SRPRA: variants seen among roughly 807,000 people sequenced by gnomAD.
SRPRA encodes signal recognition particle receptor subunit alpha.
A neutral mutation model predicts 61.1 loss-of-function variants in SRPRA; 30 were observed. The observed-to-expected ratio is 0.49, with a 90% confidence interval of 0.37 to 0.67. SRPRA has a LOEUF of 0.67. Ranked by LOEUF, SRPRA falls within the 30% of genes least tolerant of loss-of-function variation. The probability of loss-of-function intolerance (pLI) is 0.00; values close to 1 mark genes in which losing one functional copy is unlikely to be tolerated. For missense variants in SRPRA, 759 were observed against 828.4 expected (o/e 0.92, Z 1.03); for synonymous variants, 324 against 299.7 (o/e 1.08, Z -0.84).
chr11:126,265,532 C>T lies in SRPRA; in HGVS notation c.1139-92G>A. On this transcript the variant is annotated intron_variant, in intron 9 of 13. Transcript: ENST00000332118. The surrounding 1 kb of genome is among the most constrained non-coding windows in gnomAD (Gnocchi z 6.3). The stretch of plus-strand genomic sequence containing the variant: ...CCTTTCTGAGCTAAGGGGACTAAAA[C>T]AGTAAATTAGACTCTTGTCCCAGAA... The T allele has an allele frequency of 6.3e-6, 9 of 1,423,318 alleles. No homozygotes were observed. Among genetic ancestry groups the T allele is most frequent in the Non-Finnish European group, 7.6e-6 (8 of 1,048,918 alleles). The allele number at this position is 1,423,318 out of a possible 1,614,324, so 88.2% of individuals were successfully genotyped here. A position where few individuals can be genotyped will look rare whatever the true frequency, so the allele number is the denominator to read the frequency against.
chr11:126,241,562 A>AT, the SRPRA span, among the ~76,000 whole-genome samples: 2 of 151,250 alleles, frequency 1.3e-5, no homozygotes, highest in African/African-American at 4.9e-5. Context: ...TTATTTATTT[A>AT]TTTTTTGATG....
chr11:126,258,771 A>T (rs1950622756), downstream of SRPRA, among the ~76,000 whole-genome samples: 1 of 152,236 alleles, frequency 6.6e-6, no homozygotes, highest in Non-Finnish European at 1.5e-5. Context: ...TATGCTGAGG[A>T]AAGATGCTAA....
rs1224220537 is a variant in SRPRA, at chr11:126,267,145, T to A, written c.526+30A>T. On this transcript the variant is annotated intron_variant, in intron 4 of 13. Coordinates refer to ENST00000332118, the MANE Select transcript of SRPRA (RefSeq NM_003139.4). The surrounding 1 kb of genome is among the most constrained non-coding windows in gnomAD (Gnocchi z 4.2). ...TAGCACCGTGTTAACACCTTTCATG[T>A]CCCAGTATATCCAAAGAACTCAAAC... is the stretch of plus-strand genomic sequence containing the variant. 1 of 1,613,382 alleles carries A rather than the reference T, an allele frequency of 6.2e-7. No individual in the cohort carries two copies. The highest frequency in any genetic ancestry group is 1.7e-5 in the Admixed American group (1 of 59,878).
chr11:126,263,940 C>T lies in SRPRA; in HGVS notation c.1893G>A (p.Val631=). The T allele has an allele frequency of 6.2e-7, 1 of 1,614,184 alleles. No homozygotes were observed. ...CDLRSLNAKA[V]VAALMKA ...GTTAAGCCTTCATGAGGGCAGCCAC[C>T]ACAGCCTTGGCATTGAGGCTGCGTA... Residue 631 remains valine, a synonymous_variant, in exon 14 of 14, where the codon GTG becomes GTA. Transcript: ENST00000332118.
the SRPRA span, among the ~76,000 whole-genome samples, chr11:126,253,200 A>G: frequency 6.6e-6 from 1 of 152,274 alleles, no homozygotes; most frequent in East Asian, 1.9e-4. The surrounding 1 kb of genome is among the most constrained non-coding windows in gnomAD (Gnocchi z 5.1). Context: ...TTCTCATTTC[A>G]TCCTTGGGCC....
the SRPRA span, among the ~76,000 whole-genome samples, chr11:126,242,514 T>C: frequency 3.3e-4 from 51 of 152,244 alleles, no homozygotes; most frequent in African/African-American, 9.1e-4. Context: ...ATATCCAGAA[T>C]CTATAAAGAA....
chr11:126,246,426 C>T, the SRPRA span, among the ~76,000 whole-genome samples: 1 of 152,174 alleles, frequency 6.6e-6, no homozygotes, highest in Non-Finnish European at 1.5e-5. Context: ...CACTGGAACC[C>T]TGCACAAATC....
At position 126,267,909 on chromosome 11, in the gene SRPRA, G is replaced by C; in HGVS notation, c.201+94C>G. On this transcript the variant is annotated intron_variant, in intron 2 of 13. Coordinates refer to ENST00000332118, the MANE Select transcript of SRPRA (RefSeq NM_003139.4). This position sits in a 1 kb window ranked among gnomAD's most constrained non-coding sequence, Gnocchi z 4.2. ...CTACCTTTCTAGTTTTTTCAGTTAC[G>C]TCATCATATACACTGGCTGCAATTA... 6.9e-7 allele frequency: 1 copy of C among 1,449,538 alleles called. No homozygotes were observed. The highest frequency in any genetic ancestry group is 1.2e-5 in the South Asian group (1 of 84,418). 89.8% of individuals were successfully genotyped at this position (1,449,538 alleles called of 1,614,324 possible).
the SRPRA span, among the ~76,000 whole-genome samples, chr11:126,242,898 T>C: frequency 6.6e-6 from 1 of 152,216 alleles, no homozygotes; most frequent in Non-Finnish European, 1.5e-5. Flanking sequence ...AGCATATTCA[T>C]GCAGCAACTG....
At position 126,265,233 on chromosome 11, in the gene SRPRA, G is replaced by A. The variant is rs1299120142; in HGVS notation, c.1311+35C>T. 2 of 1,613,718 alleles carry A rather than the reference G, an allele frequency of 1.2e-6. No individual in the cohort carries two copies. Among genetic ancestry groups the A allele is most frequent in the Non-Finnish European group, 8.5e-7 (1 of 1,179,662 alleles). On this transcript the variant is annotated intron_variant, in intron 10 of 13. Transcript: ENST00000332118. This position sits in a 1 kb window ranked among gnomAD's most constrained non-coding sequence, Gnocchi z 6.3. ...AGGATTTTGAGACACAAGAAGTACA[G>A]AAATATCAGCGATAGGCTGGGGAAC...
At chr11:126,239,143 C>A in the SRPRA span, among the ~76,000 whole-genome samples, 1 of 151,742 alleles carries the variant, frequency 6.6e-6, no homozygotes, top group South Asian at 2.1e-4. Context: ...CTTTTTCGTT[C>A]TTTCTTTGTT....
At position 126,265,688 on chromosome 11, in the gene SRPRA, A is replaced by G. The variant is rs376343672; in HGVS notation, c.1138+49T>C. 4 of 1,590,790 alleles carry G rather than the reference A, an allele frequency of 2.5e-6. No individual in the cohort carries two copies. Among genetic ancestry groups the G allele is most frequent in the African/African-American group, 1.3e-5 (1 of 74,664 alleles). Reference sequence around the variant, plus strand: ...ACATACCTAGTAAGAACTGAGGTCTATGCACTTAACCTACACATAAGCACT... The same window carrying G: ...ACATACCTAGTAAGAACTGAGGTCTGTGCACTTAACCTACACATAAGCACT... On this transcript the variant is annotated intron_variant, in intron 9 of 13. Transcript: ENST00000332118. The surrounding 1 kb of genome is among the most constrained non-coding windows in gnomAD (Gnocchi z 6.3).
Position 126,267,375 on chromosome 11 carries a change from C to T in SRPRA, c.366-40G>A, listed in dbSNP as rs745450088. The T allele has an allele frequency of 2.5e-6, 4 of 1,605,756 alleles. No homozygotes were observed. The highest frequency in any genetic ancestry group is 1.1e-5 in the South Asian group (1 of 89,598). Reference sequence around the variant, plus strand: ...GAATGGTTTATCTTTCTACCCCATGCAGAAGGAAAAATAACGGTCCAGAGA... The same window carrying T: ...GAATGGTTTATCTTTCTACCCCATGTAGAAGGAAAAATAACGGTCCAGAGA... On this transcript the variant is annotated intron_variant, in intron 3 of 13. Transcript: ENST00000332118. The surrounding 1 kb of genome is among the most constrained non-coding windows in gnomAD (Gnocchi z 4.2).
In SRPRA at chr11:126,265,268, C is replaced by T; in HGVS notation, c.1311G>A (p.Lys437=). The T allele has an allele frequency of 6.2e-7, 1 of 1,614,028 alleles. No homozygotes were observed. Among genetic ancestry groups the T allele is most frequent in the Non-Finnish European group, 8.5e-7 (1 of 1,179,918 alleles). The change falls in exon 10 of 14, where the codon AAG becomes AAA. Residue 437 remains lysine, a splice_region_variant and synonymous_variant. Transcript: ENST00000332118. The surrounding 1 kb of genome is among the most constrained non-coding windows in gnomAD (Gnocchi z 6.3). ...CGATAGGCTGGGGAACTGCACTGAC[C>T]TTGGCAAGATTAGTAGATTTCCCCA... ...NGVGKSTNLA[K]ISFWLLENGF...
In SRPRA at chr11:126,267,521, T is replaced by A. The variant is rs374451789; in HGVS notation, c.365+28A>T. 6.2e-7 allele frequency: 1 copy of A among 1,612,538 alleles called. No homozygotes were observed. The highest frequency in any genetic ancestry group is 8.5e-7 in the Non-Finnish European group (1 of 1,179,202). On this transcript the variant is annotated intron_variant, in intron 3 of 13. Coordinates refer to ENST00000332118, the MANE Select transcript of SRPRA (RefSeq NM_003139.4). This position sits in a 1 kb window ranked among gnomAD's most constrained non-coding sequence, Gnocchi z 4.2. ...GAGGTCATCAAATCATGGAAATAAATTGATTTTAGAGAAGGCAGGTCTCTC... is the reference window on the plus strand; with the variant it reads ...GAGGTCATCAAATCATGGAAATAAAATGATTTTAGAGAAGGCAGGTCTCTC...
chr11:126,268,506 C>T (rs575072451), intron 1 of SRPRA, among the ~76,000 whole-genome samples, 182 bp downstream of exon 1: 3 of 145,750 alleles, frequency 2.1e-5, no homozygotes, highest in Non-Finnish European at 4.5e-5. Context: ...AGGCGGGGGC[C>T]GTCATTAAGT....
the SRPRA span, among the ~76,000 whole-genome samples, chr11:126,253,387 G>A: frequency 5.3e-5 from 8 of 152,154 alleles, no homozygotes; most frequent in Non-Finnish European, 1.2e-4. This position sits in a 1 kb window ranked among gnomAD's most constrained non-coding sequence, Gnocchi z 5.1. Context: ...AAGAATAAAT[G>A]TATGCTGTCT....
the SRPRA span, among the ~76,000 whole-genome samples, chr11:126,257,620 T>TC: frequency 1.3e-5 from 2 of 151,902 alleles, no homozygotes; most frequent in East Asian, 3.9e-4. Flanking sequence ...TTTTTTTTTT[T>TC]TGGTGCGTGT....
downstream of SRPRA, among the ~76,000 whole-genome samples, chr11:126,260,088 A>G (rs766411431): frequency 2.2e-4 from 33 of 151,510 alleles, no homozygotes; most frequent in Non-Finnish European, 3.7e-4. Flanking sequence ...CTGCAGTACA[A>G]TGGCACAGTC....
Sources: gnomAD v4.1 joint callset for allele counts (sites outside exome capture counted in the v4.1 genomes callset) on GRCh38, gnomAD v4.1.1 for gene constraint, Gnocchi (gnomAD v3.1) non-coding constraint, MANE v1.5 for transcripts, NCBI Gene and HGNC (gene_info 2026-07-23, HGNC 2026-07-21) for gene names.